The following TPP2 variants were observed in gnomAD, a reference collection of about 807,000 sequenced individuals.
TPP2 encodes tripeptidyl-peptidase 2.
In TPP2, 34 loss-of-function variants were observed where a neutral mutation model predicts 155.9. That is an observed-to-expected ratio of 0.22 (90% CI 0.17 to 0.29). The LOEUF (loss-of-function observed/expected upper bound fraction) is 0.29. Ranked by LOEUF, TPP2 falls within the 10% of genes least tolerant of loss-of-function variation. The pLI is 1.00. For synonymous variants in TPP2, 510 were observed against 529.4 expected, an observed-to-expected ratio of 0.96 and a Z score of 0.50; for missense variants, 1,028 against 1,522.3, an observed-to-expected ratio of 0.68 and a Z score of 5.40.
chr13:102,656,348 TC>T (rs1268152375), intron 24 of TPP2, among the ~76,000 whole-genome samples: 1 of 152,210 alleles, frequency 6.6e-6, no homozygotes, highest in Non-Finnish European at 1.5e-5. Context: ...CTGCCTGCTT[TC>T]TCAGAAGATA....
intron 25 of TPP2, among the ~76,000 whole-genome samples, chr13:102,660,003 GTTAA>G (rs71200784): frequency 0.23 from 34,849 of 151,716 alleles, 4,381 homozygotes; most frequent in Non-Finnish European, 0.29. Flanking sequence ...TATTATAACA[GTTAA>G]TTAATTGGTG....
At chr13:102,668,797 T>A (rs1320060642) in intron 27 of TPP2, among the ~76,000 whole-genome samples, 1 of 152,132 alleles carries the variant, frequency 6.6e-6, no homozygotes, top group Non-Finnish European at 1.5e-5. Context: ...AAGGAACAAA[T>A]TATCTGGAGT....
intron 21 of TPP2, among the ~76,000 whole-genome samples, chr13:102,648,470 TTGTC>T (rs1160882587): frequency 4.9e-5 from 6 of 121,484 alleles, no homozygotes; most frequent in African/African-American, 1.8e-4. Flanking sequence ...GTGTGTGTAT[TTGTC>T]CTAGATATTC....
intron 25 of TPP2, among the ~76,000 whole-genome samples, chr13:102,660,307 T>C (rs2139580191): frequency 6.6e-6 from 1 of 151,880 alleles, no homozygotes; most frequent in South Asian, 2.1e-4. Context: ...AAAAACAGGA[T>C]ACATCAAAAA....
chr13:102,646,236 A>T, intron 19 of TPP2, 58 bp from the exon 20 acceptor site: 2 of 1,433,286 alleles, frequency 1.4e-6, no homozygotes, highest in Non-Finnish European at 1.9e-6. Flanking sequence ...ATATGGTTTT[A>T]TTTGTCTCAT....
intron 25 of TPP2, among the ~76,000 whole-genome samples, chr13:102,662,584 T>TA (rs1322111163): frequency 1.3e-5 from 2 of 152,226 alleles, no homozygotes; most frequent in East Asian, 3.8e-4. Flanking sequence ...TGCCCTTGGA[T>TA]AATTGTTAGC....
chr13:102,648,193 T>A (rs1229127512), intron 21 of TPP2, among the ~76,000 whole-genome samples: 3 of 152,172 alleles, frequency 2.0e-5, no homozygotes, highest in Admixed American at 2.0e-4. Flanking sequence ...TTTTCCTGTC[T>A]GTAATAAAGG....
In TPP2 at chr13:102,644,561, G is replaced by A. The variant is rs777517532; in HGVS notation, c.2180G>A (p.Gly727Glu). Residue 727 changes from glycine (G) to glutamate (E), a missense_variant, in exon 18 of 30, where the codon GGA becomes GAA. Gly to Glu is a moderately conservative substitution (Grantham distance 98). Around this residue, in one of 7 missense-constraint regions of TPP2, gnomAD observed 325 missense variants for 463.7 expected, o/e 0.70. Transcript: ENST00000376052. ...TTTATTTACTTTTATTTGCAGGGTG[G>A]AAAAGCAATTGAATTTTGCATTGCT... is the stretch of plus-strand genomic sequence containing the variant. ...TLTEAFPVLG[G>E]KAIEFCIARW... 1 of 1,603,790 alleles carries A rather than the reference G, an allele frequency of 6.2e-7. No individual in the cohort carries two copies. The highest frequency in any genetic ancestry group is 1.1e-5 in the South Asian group (1 of 88,440).
rs1294988292 is a variant in TPP2 at position 102,651,344 on chromosome 13, C to CA, written c.2953-15_2953-14insA. On this transcript the variant is annotated splice_polypyrimidine_tract_variant and intron_variant, in intron 23 of 29. Coordinates refer to ENST00000376052, the MANE Select transcript of TPP2 (RefSeq NM_001330588.2). ...TTATGCATGTTTTCTTACAGAATGT[C>CA]GTTCTAACTCCCAGGGGCAGTCTGC... 6.4e-7 allele frequency: 1 copy of CA among 1,573,690 alleles called. No homozygotes were observed. Among genetic ancestry groups the CA allele is most frequent in the Non-Finnish European group, 8.6e-7 (1 of 1,158,768 alleles).
chr13:102,656,430 G>T (rs902996760), intron 24 of TPP2, among the ~76,000 whole-genome samples: 1 of 152,088 alleles, frequency 6.6e-6, no homozygotes. Context: ...ATTGAGGGTC[G>T]TTTGCGTAAG....
chr13:102,616,584 C>T (rs923638646), intron 4 of TPP2, 84 bp downstream of exon 4: 1 of 1,133,126 alleles, frequency 8.8e-7, no homozygotes, highest in South Asian at 2.4e-5. Flanking sequence ...ACTGTTTTTC[C>T]ACAAGTTTTC....
chr13:102,665,874 T>C (rs1747596454), intron 27 of TPP2, among the ~76,000 whole-genome samples: 2 of 152,236 alleles, frequency 1.3e-5, no homozygotes, highest in Admixed American at 6.5e-5. Flanking sequence ...CTTTCCATTA[T>C]ATCATTTATA....
chr13:102,600,824 A>C (rs1402348678), intron 1 of TPP2, among the ~76,000 whole-genome samples: 1 of 151,494 alleles, frequency 6.6e-6, no homozygotes, highest in East Asian at 1.9e-4. Context: ...ATTCCCCCCA[A>C]GTTGGGTTTT....
Position 102,678,407 on chromosome 13 carries a change from GT to G in TPP2, c.*95del. ...TTGTGGCATTTTTAGTCTAATGCAT[GT>G]TTTCATCCACTATCCAGTACTGATT... On this transcript the variant is annotated 3_prime_UTR_variant, in exon 30 of 30. Coordinates refer to ENST00000376052, the MANE Select transcript of TPP2 (RefSeq NM_001330588.2). 1 of 1,061,016 alleles carries G rather than the reference GT, an allele frequency of 9.4e-7. No individual in the cohort carries two copies. Among genetic ancestry groups the G allele is most frequent in the South Asian group, 1.4e-5 (1 of 72,252 alleles). The allele number at this position is 1,061,016 out of a possible 1,614,324, so 65.7% of individuals were successfully genotyped here.
chr13:102,661,417 A>T (rs1261120834), intron 25 of TPP2, among the ~76,000 whole-genome samples: 5 of 151,540 alleles, frequency 3.3e-5, no homozygotes, highest in African/African-American at 1.2e-4. Context: ...CCCCCAGCTT[A>T]TTTTTTTAAG....
At chr13:102,673,299 A>G (rs188024712) in intron 27 of TPP2, among the ~76,000 whole-genome samples, 2 of 152,144 alleles carry the variant, frequency 1.3e-5, no homozygotes, top group African/African-American at 2.4e-5. Flanking sequence ...CAGTTTTCAC[A>G]TGCTACACAT....
chr13:102,660,947 A>C (rs976179970), intron 25 of TPP2, among the ~76,000 whole-genome samples: 1 of 152,204 alleles, frequency 6.6e-6, no homozygotes, highest in African/African-American at 2.4e-5. Context: ...ATAGAAAAAG[A>C]ATGAAGTTGG....
chr13:102,670,012 A>G (rs1385454631), intron 27 of TPP2, among the ~76,000 whole-genome samples: 1 of 152,194 alleles, frequency 6.6e-6, no homozygotes, highest in Non-Finnish European at 1.5e-5. Flanking sequence ...CTGAGCAGGA[A>G]AGGTCTCTAG....
intron 5 of TPP2, among the ~76,000 whole-genome samples, chr13:102,619,503 G>C (rs933388714): frequency 1.3e-5 from 2 of 151,708 alleles, no homozygotes; most frequent in African/African-American, 4.8e-5. Flanking sequence ...TGTAGTCTGC[G>C]TCCCTGCTTA....
Sources: allele counts gnomAD v4.1 joint callset (sites outside exome capture counted in the v4.1 genomes callset), GRCh38; gene constraint gnomAD v4.1.1; regional missense constraint gnomAD v4.1.1; transcripts MANE v1.5; gene names NCBI Gene and HGNC (gene_info 2026-07-23, HGNC 2026-07-21).